Variants in SLC30A6 observed in about 807,000 individuals in gnomAD.
SLC30A6 encodes the protein zinc transporter 6.
Under a neutral mutation model 63.0 loss-of-function variants are expected in SLC30A6, and 55 were observed. The observed-to-expected ratio is 0.87, with a 90% CI of 0.70 to 1.09. SLC30A6 has a LOEUF of 1.09. Among genes scored for constraint, SLC30A6 ranks in the 50% least tolerant of loss-of-function variants. The pLI, the probability that SLC30A6 is intolerant of heterozygous loss-of-function variation, is 0.00. For missense variants in SLC30A6, 587 were observed against 549.2 expected, an observed-to-expected ratio of 1.07 and a Z score of -0.69; for synonymous variants, 224 against 186.1, an observed-to-expected ratio of 1.20 and a Z score of -1.66.
intron 1 of SLC30A6, among the ~76,000 whole-genome samples, chr2:32,167,678 A>C (rs959018238): frequency 1.3e-5 from 2 of 152,182 alleles, no homozygotes; most frequent in African/African-American, 4.8e-5. Context: ...ACACACACAC[A>C]CACCAGTTTT....
At chr2:32,167,792 A>C (rs1680817877) in intron 1 of SLC30A6, among the ~76,000 whole-genome samples, 1 of 152,190 alleles carries the variant, frequency 6.6e-6, no homozygotes, top group Non-Finnish European at 1.5e-5. Context: ...AGAGACTTAA[A>C]ATTCAGAGGT....
intron 4 of SLC30A6, among the ~76,000 whole-genome samples, chr2:32,178,237 G>A (rs939072884): frequency 4.6e-5 from 7 of 151,930 alleles, no homozygotes; most frequent in East Asian, 1.9e-4. Context: ...GTGAGCCACC[G>A]CACCCGGCCA....
intron 5 of SLC30A6, among the ~76,000 whole-genome samples, chr2:32,188,193 G>C (rs1415850420): frequency 1.3e-5 from 2 of 152,094 alleles, no homozygotes; most frequent in Admixed American, 6.6e-5. Context: ...AGATCTGCCT[G>C]ATATGCTCTT....
At chr2:32,206,642 G>C (rs902970868) in intron 11 of SLC30A6, among the ~76,000 whole-genome samples, 4 of 152,074 alleles carry the variant, frequency 2.6e-5, no homozygotes, top group African/African-American at 7.2e-5. Flanking sequence ...TTTGTTGGTT[G>C]GTTGGTTGTT....
intron 1 of SLC30A6, among the ~76,000 whole-genome samples, chr2:32,170,369 T>C (rs1681091162): frequency 6.6e-6 from 1 of 152,208 alleles, no homozygotes. Flanking sequence ...TAATTTCTCA[T>C]ATGTGTTTGA....
chr2:32,206,521 C>T (rs991955629), intron 11 of SLC30A6, among the ~76,000 whole-genome samples: 1 of 151,806 alleles, frequency 6.6e-6, no homozygotes, highest in Non-Finnish European at 1.5e-5. Context: ...ATGCCTTTTC[C>T]AAGACTTAGG....
At chr2:32,201,891 G>A (rs1458732855) in intron 10 of SLC30A6, 3 of 1,469,776 alleles carry the variant, frequency 2.0e-6, no homozygotes, top group Non-Finnish European at 2.8e-6. Context: ...ATGCTCCCAA[G>A]ACCAAAAAAA....
intron 4 of SLC30A6, among the ~76,000 whole-genome samples, chr2:32,181,915 A>G (rs1204776690): frequency 6.7e-6 from 1 of 148,560 alleles, no homozygotes; most frequent in Admixed American, 6.7e-5. Context: ...CTTCAATTGT[A>G]TATTTCGTTT....
chr2:32,219,727 C>T (rs1312795151), intron 13 of SLC30A6, among the ~76,000 whole-genome samples: 4 of 152,186 alleles, frequency 2.6e-5, no homozygotes, highest in African/African-American at 7.2e-5. Context: ...TGAGCCACTG[C>T]GCCCGGCCAG....
At chr2:32,186,428 A>G (rs935139744) in intron 5 of SLC30A6, among the ~76,000 whole-genome samples, 3 of 152,216 alleles carry the variant, frequency 2.0e-5, no homozygotes, top group African/African-American at 4.8e-5. Context: ...GCTTACGCCT[A>G]TAATCCCGGG....
chr2:32,220,457 C>T lies in SLC30A6; in HGVS notation c.1130C>T (p.Pro377Leu), dbSNP rs145965354. 2.5e-5 allele frequency: 40 copies of T among 1,614,112 alleles called. No individual in the cohort carries two copies. Among genetic ancestry groups the T allele is most frequent in the Non-Finnish European group, 3.3e-5 (39 of 1,180,044 alleles). The change falls in exon 14 of 14, where the codon CCA becomes CTA. Residue 377 changes from proline to leucine, a missense_variant. Physicochemically the swap from Pro to Leu is moderately conservative, Grantham distance 98 (BLOSUM62 -3). Coordinates refer to ENST00000282587, the MANE Select transcript of SLC30A6 (RefSeq NM_017964.5). ...GATTTGAACCCAGTTACATCAACTC[C>T]AGCTAAACCTAGTAGTCCACCTCCA... ...TDDLNPVTSTPAKPSSPPPEF... is the reference protein window; with the variant it reads ...TDDLNPVTSTLAKPSSPPPEF...
In SLC30A6 at chr2:32,221,555, T is replaced by C. The variant is rs1276373131; in HGVS notation, c.*842T>C. 6.6e-6 allele frequency: 1 copy of C among 152,238 alleles called. No individual in the cohort carries two copies. The highest frequency in any genetic ancestry group is 1.5e-5 in the Non-Finnish European group (1 of 68,046). 9.4% of individuals were successfully genotyped at this position (152,238 alleles called of 1,614,324 possible). ...GTTCAAAAAGTAAAAGTCTCTTTTATAGCTTTTCCAAACTTAATTGCTAAA... is the reference window on the plus strand; with the variant it reads ...GTTCAAAAAGTAAAAGTCTCTTTTACAGCTTTTCCAAACTTAATTGCTAAA... On this transcript the variant is annotated 3_prime_UTR_variant, in exon 14 of 14. Transcript: ENST00000282587.
At chr2:32,177,534 C>T in intron 4 of SLC30A6, 2 of 211,886 alleles carry the variant, frequency 9.4e-6, no homozygotes, top group Non-Finnish European at 1.0e-5. Flanking sequence ...TCAAGTGGTC[C>T]ACCCACCTCG....
chr2:32,211,677 G>A (rs777411019), intron 13 of SLC30A6, among the ~76,000 whole-genome samples: 1 of 152,056 alleles, frequency 6.6e-6, no homozygotes, highest in Non-Finnish European at 1.5e-5. Flanking sequence ...GCGTGCAGTA[G>A]TGCAATCTCG....
At chr2:32,206,577 C>T (rs932192269) in intron 11 of SLC30A6, among the ~76,000 whole-genome samples, 2 of 152,134 alleles carry the variant, frequency 1.3e-5, no homozygotes, top group African/African-American at 2.4e-5. Context: ...ATAATAGTTG[C>T]ATAGTGCTAT....
chr2:32,207,558 G>A (rs999058531), intron 12 of SLC30A6, among the ~76,000 whole-genome samples: 23 of 151,868 alleles, frequency 1.5e-4, no homozygotes, highest in African/African-American at 5.3e-4. Context: ...TGTATTTTTA[G>A]TGGAGACAGG....
chr2:32,208,150 A>G (rs1044620673), intron 12 of SLC30A6, among the ~76,000 whole-genome samples: 1 of 149,750 alleles, frequency 6.7e-6, no homozygotes, highest in African/African-American at 2.5e-5. Flanking sequence ...GTTTTTTTTG[A>G]GACTGAGTCT....
chr2:32,203,726 G>T, intron 10 of SLC30A6: 1 of 1,527,200 alleles, frequency 6.5e-7, no homozygotes, highest in Non-Finnish European at 9.1e-7. Context: ...AAGTCAGAAA[G>T]GTTACAGGCA....
intron 5 of SLC30A6, among the ~76,000 whole-genome samples, 156 bp from the exon 6 acceptor site, chr2:32,192,180 T>C (rs1683387861): frequency 6.6e-6 from 1 of 152,134 alleles, no homozygotes; most frequent in Non-Finnish European, 1.5e-5. Context: ...TTTATTATTA[T>C]TCTAGAAACC....
Sources: gnomAD v4.1 joint callset for allele counts (sites outside exome capture counted in the v4.1 genomes callset) on GRCh38, gnomAD v4.1.1 for gene constraint, MANE v1.5 for transcripts, NCBI Gene and HGNC (gene_info 2026-07-23, HGNC 2026-07-21) for gene names.